Variants in PAX3 observed in about 807,000 individuals in gnomAD.
PAX3 encodes the protein paired box protein Pax-3.
In PAX3, 14 loss-of-function variants were observed where a neutral mutation model predicts 51.6. That is an observed-to-expected ratio of 0.27 (90% CI 0.18 to 0.42). PAX3 has a LOEUF of 0.42. Ranked by LOEUF, PAX3 falls within the 10% of genes least tolerant of loss-of-function variation. PAX3 has a pLI of 1.00. For missense variants in PAX3, 540 were observed against 642.8 expected (o/e 0.84, Z 1.73); for synonymous variants, 280 against 253.4 (o/e 1.11, Z -1.00).
intron 4 of PAX3, among the ~76,000 whole-genome samples, chr2:222,288,898 G>C (rs1280648199): frequency 6.6e-6 from 1 of 152,228 alleles, no homozygotes; most frequent in Non-Finnish European, 1.5e-5. Flanking sequence ...GATCTCTATG[G>C]TTAAGAACCC....
intron 4 of PAX3, among the ~76,000 whole-genome samples, chr2:222,243,985 C>T (rs78074931): frequency 0.14 from 21,188 of 152,024 alleles, 1,878 homozygotes; most frequent in East Asian, 0.45. Flanking sequence ...CCCTAGAGGC[C>T]GTGAAGAGGG....
intron 4 of PAX3, chr2:222,262,617 G>C (rs1357309583): frequency 6.7e-6 from 1 of 150,106 alleles, no homozygotes; most frequent in African/African-American, 2.5e-5. Flanking sequence ...TTTTTTTGTA[G>C]ATACAGACAA....
intron 5 of PAX3, among the ~76,000 whole-genome samples, chr2:222,229,450 T>C (rs2106089984): frequency 6.6e-6 from 1 of 152,252 alleles, no homozygotes; most frequent in East Asian, 1.9e-4. Context: ...TCTGTGAACC[T>C]TGGTCTATCT....
At chr2:222,231,292 A>G (rs920596692) in intron 5 of PAX3, among the ~76,000 whole-genome samples, 4 of 152,218 alleles carry the variant, frequency 2.6e-5, no homozygotes, top group Admixed American at 2.6e-4. Flanking sequence ...GGTGGTGAGG[A>G]GTTCGAGGAT....
intron 4 of PAX3, chr2:222,262,692 A>C (rs1020832315): frequency 6.6e-6 from 1 of 152,196 alleles, no homozygotes; most frequent in Admixed American, 6.5e-5. Context: ...TTTAAAAAGA[A>C]GAATAAAGTT....
chr2:222,206,654 A>G (rs1489013832), intron 7 of PAX3, among the ~76,000 whole-genome samples: 1 of 152,190 alleles, frequency 6.6e-6, no homozygotes, highest in Non-Finnish European at 1.5e-5. Context: ...ATGGTTCAGG[A>G]AAAACTAAGT....
At chr2:222,207,794 A>G (rs953496390) in intron 7 of PAX3, among the ~76,000 whole-genome samples, 3 of 152,182 alleles carry the variant, frequency 2.0e-5, no homozygotes, top group African/African-American at 7.2e-5. Context: ...ACAGAGAATT[A>G]GCGCAGAAAT....
intron 4 of PAX3, among the ~76,000 whole-genome samples, chr2:222,237,089 C>T (rs181055507): frequency 1.2e-4 from 18 of 152,212 alleles, no homozygotes; most frequent in South Asian, 4.2e-4. Context: ...CCTAGAGCAA[C>T]GCTTTCCAGG....
chr2:222,292,949 T>C (rs1695098155), intron 4 of PAX3, among the ~76,000 whole-genome samples: 1 of 152,220 alleles, frequency 6.6e-6, no homozygotes, highest in Non-Finnish European at 1.5e-5. Context: ...CCTTCCAGGT[T>C]GTGTGCAGAT....
intron 4 of PAX3, among the ~76,000 whole-genome samples, chr2:222,236,638 A>G (rs1692807657): frequency 6.6e-6 from 1 of 152,228 alleles, no homozygotes; most frequent in African/African-American, 2.4e-5. Flanking sequence ...ATCTAATGCT[A>G]TGATTTGGAA....
In PAX3 at chr2:222,296,975, C is replaced by G. The variant is rs759085579; in HGVS notation, c.321+3G>C. ...GCCAGGAGGGCAAGGCCCGCCCGCT[C>G]ACCTTGGGCTTGCTGCCGCCGATGG... is the stretch of plus-strand genomic sequence containing the variant. On this transcript the variant is annotated splice_donor_region_variant and intron_variant, in intron 2 of 8. Coordinates refer to ENST00000392070, the MANE Select transcript of PAX3 (RefSeq NM_181458.4). The G allele has an allele frequency of 3.1e-6, 5 of 1,611,264 alleles. No individual in the cohort carries two copies. In the Admixed American group the frequency reaches 6.7e-5, roughly 22 times the overall value.
At chr2:222,223,492 A>C (rs1692275873) in intron 5 of PAX3, among the ~76,000 whole-genome samples, 3 of 152,216 alleles carry the variant, frequency 2.0e-5, no homozygotes, top group Admixed American at 1.3e-4. Flanking sequence ...GCATCAGGGT[A>C]AGAAAATCAT....
chr2:222,235,462 T>C (rs1263752002), intron 4 of PAX3, among the ~76,000 whole-genome samples: 3 of 152,218 alleles, frequency 2.0e-5, no homozygotes, highest in Non-Finnish European at 4.4e-5. Context: ...TCTATTCAGA[T>C]GGGCTTTGGA....
intron 4 of PAX3, among the ~76,000 whole-genome samples, chr2:222,278,511 C>T (rs779189946): frequency 1.4e-4 from 21 of 152,194 alleles, no homozygotes; most frequent in Non-Finnish European, 2.5e-4. Flanking sequence ...GCCAAAGAGA[C>T]CCTTCTTGTC....
chr2:222,220,027 A>C, intron 7 of PAX3, 113 bp downstream of exon 7: 2 of 912,006 alleles, frequency 2.2e-6, no homozygotes, highest in Non-Finnish European at 3.5e-6. Context: ...TGTGGCTTCT[A>C]TAAAGAATAC....
chr2:222,291,236 G>A (rs1455982283), intron 4 of PAX3, among the ~76,000 whole-genome samples: 1 of 152,210 alleles, frequency 6.6e-6, no homozygotes, highest in Non-Finnish European at 1.5e-5. Context: ...TGGCTCCCCC[G>A]GCTGCCTCTG....
chr2:222,232,308 T>C, intron 4 of PAX3, 25 bp from the exon 5 acceptor site: 1 of 1,596,728 alleles, frequency 6.3e-7, no homozygotes, highest in Non-Finnish European at 8.6e-7. Flanking sequence ...GAACAAAACA[T>C]CATAAAATGT....
At chr2:222,297,819 G>A (rs1294953099) in intron 1 of PAX3, among the ~76,000 whole-genome samples, 3 of 152,224 alleles carry the variant, frequency 2.0e-5, no homozygotes. Flanking sequence ...CTTGCTCTGG[G>A]TGTTACATTC....
At chr2:222,257,271 C>T (rs1367416) in intron 4 of PAX3, among the ~76,000 whole-genome samples, 135,334 of 152,024 alleles carry the variant, frequency 0.89, 60,475 homozygotes, top group East Asian at 1. Flanking sequence ...TGAAATTTAC[C>T]ATTATGTTTT....
Sources: allele counts gnomAD v4.1 joint callset (sites outside exome capture counted in the v4.1 genomes callset), GRCh38; gene constraint gnomAD v4.1.1; transcripts MANE v1.5; gene names NCBI Gene and HGNC (gene_info 2026-07-23, HGNC 2026-07-21).